Variants in WDR25 observed in about 807,000 individuals in gnomAD.
WDR25 encodes the protein WD repeat-containing protein 25.
A neutral mutation model predicts 47.7 loss-of-function variants in WDR25; 35 were observed. The observed-to-expected ratio is 0.73, with a 90% CI of 0.56 to 0.97. The LOEUF (loss-of-function observed/expected upper bound fraction) is 0.97, where lower values mean the gene tolerates loss of function less well. Among genes scored for constraint, WDR25 ranks in the 50% least tolerant of loss-of-function variants. WDR25 has a pLI of 0.00. For synonymous variants in WDR25, 248 were observed against 278.9 expected (o/e 0.89, Z 1.10); for missense variants, 634 against 704.7 (o/e 0.90, Z 1.14).
At chr14:100,467,481 C>T (rs1899673581) in intron 2 of WDR25, among the ~76,000 whole-genome samples, 1 of 152,174 alleles carries the variant, frequency 6.6e-6, no homozygotes, top group Non-Finnish European at 1.5e-5. Flanking sequence ...GACCGGCAGA[C>T]ACAGGAATGC....
chr14:100,433,010 G>A (rs1164809544), intron 2 of WDR25, among the ~76,000 whole-genome samples: 1 of 152,204 alleles, frequency 6.6e-6, no homozygotes, highest in Non-Finnish European at 1.5e-5. Context: ...CTTAGAAGAG[G>A]TACAGTAAAA....
At position 100,513,266 on chromosome 14, in the gene WDR25, G is replaced by A. The variant is rs567318727; in HGVS notation, c.1102-12604G>A. 8.5e-5 allele frequency among the ~76,000 whole-genome samples: 13 copies of A among 152,288 alleles called. No homozygotes were observed. In the South Asian group the frequency reaches 1.5e-3, roughly 17 times the overall value. On this transcript the variant is annotated intron_variant, in intron 4 of 6. Coordinates refer to ENST00000402312, the MANE Select transcript of WDR25 (RefSeq NM_001161476.3). Reference sequence around the variant, plus strand: ...TGGGGGCACATAAGGGGTAGATTACGTCATGAGGGCTCCACCTTTGTTAGT... The same window carrying A: ...TGGGGGCACATAAGGGGTAGATTACATCATGAGGGCTCCACCTTTGTTAGT...
intron 4 of WDR25, among the ~76,000 whole-genome samples, chr14:100,510,794 G>A (rs1901286723): frequency 1.4e-5 from 2 of 143,068 alleles, no homozygotes; most frequent in African/African-American, 3.0e-5. Flanking sequence ...GTAGAGACAG[G>A]GTCTCGCCAT....
chr14:100,523,697 C>T lies in WDR25; in HGVS notation c.1102-2173C>T, dbSNP rs1253312478. Among the ~76,000 whole-genome samples the T allele has an allele frequency of 2.0e-5, 3 of 152,038 alleles. No individual in the cohort carries two copies. Among genetic ancestry groups the T allele is most frequent in the East Asian group, 3.9e-4 (2 of 5,184 alleles). On this transcript the variant is annotated intron_variant, in intron 4 of 6. Coordinates refer to ENST00000402312, the MANE Select transcript of WDR25 (RefSeq NM_001161476.3). The surrounding 1 kb of genome is among the most constrained non-coding windows in gnomAD (Gnocchi z 4.7). ...GCATCCCCCAGGTTTGCTGGTGGGCCGAGTGGTGGGCAGATTGTAGGGACA... is the reference window on the plus strand; with the variant it reads ...GCATCCCCCAGGTTTGCTGGTGGGCTGAGTGGTGGGCAGATTGTAGGGACA...
chr14:100,494,653 C>T (rs1900673294), intron 4 of WDR25, among the ~76,000 whole-genome samples: 1 of 152,212 alleles, frequency 6.6e-6, no homozygotes, highest in South Asian at 2.1e-4. Context: ...TCTTAGTCCC[C>T]TCTCCCCTTT....
At chr14:100,522,163 T>C (rs1248641569) in intron 4 of WDR25, among the ~76,000 whole-genome samples, 15 of 152,224 alleles carry the variant, frequency 9.9e-5, no homozygotes, top group Admixed American at 9.8e-4. Context: ...GTTGTAAATA[T>C]TTCTCCTACT....
At chr14:100,471,891 A>C (rs1899849727) in intron 3 of WDR25, among the ~76,000 whole-genome samples, 1 of 152,244 alleles carries the variant, frequency 6.6e-6, no homozygotes, top group East Asian at 1.9e-4. Context: ...CTCTTGTTTC[A>C]GTCTGTAATC....
chr14:100,468,036 GAC>G lies in WDR25; in HGVS notation c.839_840del (p.Asp280ValfsTer33), dbSNP rs1157521174. The G allele has an allele frequency of 1.9e-6, 3 of 1,612,936 alleles. No individual in the cohort carries two copies. Among genetic ancestry groups the G allele is most frequent in the Non-Finnish European group, 2.5e-6 (3 of 1,180,024 alleles). On this transcript the variant is annotated frameshift_variant, in exon 3 of 7. Transcript: ENST00000402312. LOFTEE classifies it high-confidence loss of function. The surrounding 1 kb of genome is among the most constrained non-coding windows in gnomAD (Gnocchi z 4.5). ...TTGCCTGCAGGTATGGAACGCCGTGGACTCCGGGCACTGCCTGCAGACCTACT... is the reference window on the plus strand; with the variant it reads ...TTGCCTGCAGGTATGGAACGCCGTGGTCCGGGCACTGCCTGCAGACCTACT... ...DKTFKVWNAV[D>X]SGHCLQTYSL...
chr14:100,494,908 G>A (rs1900682725), intron 4 of WDR25, among the ~76,000 whole-genome samples: 1 of 152,204 alleles, frequency 6.6e-6, no homozygotes, highest in African/African-American at 2.4e-5. Context: ...AGGAGGCTGA[G>A]GCAGGAGGAT....
chr14:100,447,801 G>A (rs1424261304), intron 2 of WDR25, among the ~76,000 whole-genome samples: 1 of 152,198 alleles, frequency 6.6e-6, no homozygotes, highest in African/African-American at 2.4e-5. Context: ...TCCTCTTGCT[G>A]TGTGCGTAGA....
intron 2 of WDR25, among the ~76,000 whole-genome samples, chr14:100,412,688 G>A (rs776993857): frequency 6.6e-6 from 1 of 152,142 alleles, no homozygotes; most frequent in Non-Finnish European, 1.5e-5. Context: ...TCTGTGGTTT[G>A]CCTTATATTT....
chr14:100,503,372 C>T (rs1460726370), intron 4 of WDR25, among the ~76,000 whole-genome samples: 3 of 152,142 alleles, frequency 2.0e-5, no homozygotes, highest in Non-Finnish European at 1.5e-5. Flanking sequence ...ATCTTTAAGC[C>T]TCATTAAGGA....
rs1458972787 is a variant in WDR25, at chr14:100,428,183, C to G, written c.823-39838C>G. On this transcript the variant is annotated intron_variant, in intron 2 of 6. Transcript: ENST00000402312. This position sits in a 1 kb window ranked among gnomAD's most constrained non-coding sequence, Gnocchi z 4.3. Reference sequence around the variant, plus strand: ...GTGTGCTCCGACCGAAGCGTTGGCACTGACCCGTCTAGAATTCTGTGTGCG... The same window carrying G: ...GTGTGCTCCGACCGAAGCGTTGGCAGTGACCCGTCTAGAATTCTGTGTGCG... Among the ~76,000 whole-genome samples the G allele has an allele frequency of 6.6e-6, 1 of 152,344 alleles. No homozygotes were observed. Among genetic ancestry groups the G allele is most frequent in the Middle Eastern group, 3.4e-3 (1 of 294 alleles).
Position 100,500,605 on chromosome 14 carries a change from G to A in WDR25, c.1101+16481G>A, listed in dbSNP as rs115697123. Among the ~76,000 whole-genome samples the A allele has an allele frequency of 6.6e-3, 1,011 of 152,246 alleles. 15 individuals are homozygous for A. The highest frequency in any genetic ancestry group is 0.024 in the African/African-American group (989 of 41,540). On this transcript the variant is annotated intron_variant, in intron 4 of 6. Transcript: ENST00000402312. The surrounding 1 kb of genome is among the most constrained non-coding windows in gnomAD (Gnocchi z 4.7). The stretch of plus-strand genomic sequence containing the variant: ...GCTAGGCAGGGCCTGGGGTTTTGGG[G>A]CCCCCCACAGTTTTGACGCTGGCTC...
chr14:100,508,504 G>A (rs1901192198), intron 4 of WDR25, among the ~76,000 whole-genome samples: 1 of 152,062 alleles, frequency 6.6e-6, no homozygotes, highest in Non-Finnish European at 1.5e-5. Context: ...CTTAGTTCTT[G>A]TAGCTTTTTC....
intron 2 of WDR25, 130 bp from the exon 3 acceptor site, chr14:100,467,891 A>G: frequency 6.6e-6 from 8 of 1,214,352 alleles, no homozygotes; most frequent in Non-Finnish European, 9.1e-6. Flanking sequence ...ACATCTAGAT[A>G]TAGATTTGAT....
chr14:100,484,136 A>G lies in WDR25; in HGVS notation c.1101+12A>G. 6.2e-7 allele frequency: 1 copy of G among 1,604,336 alleles called. No homozygotes were observed. Among genetic ancestry groups the G allele is most frequent in the South Asian group, 1.1e-5 (1 of 88,720 alleles). Reference sequence around the variant, plus strand: ...TAAGGACTGGCAAGGTAATAGCCATATTCCTAACTTGGCCTTTCCACAGGA... The same window carrying G: ...TAAGGACTGGCAAGGTAATAGCCATGTTCCTAACTTGGCCTTTCCACAGGA... On this transcript the variant is annotated intron_variant, in intron 4 of 6. Transcript: ENST00000402312.
rs931072072 is a variant in WDR25 at position 100,511,450 on chromosome 14, A to G, written c.1102-14420A>G. Among the ~76,000 whole-genome samples the G allele has an allele frequency of 3.3e-5, 5 of 152,156 alleles. No homozygotes were observed. The East Asian group carries it at 9.6e-4, about 29-fold the overall frequency. ...AGATTCTATTGGATTTTCTATATAGATAATCATGTTGTCTGTTAATAAAGT... is the reference window on the plus strand; with the variant it reads ...AGATTCTATTGGATTTTCTATATAGGTAATCATGTTGTCTGTTAATAAAGT... On this transcript the variant is annotated intron_variant, in intron 4 of 6. Coordinates refer to ENST00000402312, the MANE Select transcript of WDR25 (RefSeq NM_001161476.3).
intron 2 of WDR25, among the ~76,000 whole-genome samples, chr14:100,433,001 T>A (rs1375322097): frequency 6.6e-6 from 1 of 152,244 alleles, no homozygotes; most frequent in Non-Finnish European, 1.5e-5. Context: ...ATATCTGAAC[T>A]TAGAAGAGGT....
Sources: allele counts gnomAD v4.1 joint callset (sites outside exome capture counted in the v4.1 genomes callset), GRCh38; gene constraint gnomAD v4.1.1; non-coding constraint Gnocchi (gnomAD v3.1); transcripts MANE v1.5; gene names NCBI Gene and HGNC (gene_info 2026-07-23, HGNC 2026-07-21).